The following ST6GALNAC3 variants were observed in gnomAD, a reference collection of about 807,000 sequenced individuals.
ST6GALNAC3 encodes the protein alpha-N-acetylgalactosaminide alpha-2,6-sialyltransferase 3.
ST6GALNAC3 carries 25 observed loss-of-function variants against 32.7 expected under a neutral mutation model. The ratio of observed to expected loss-of-function variants is 0.76; its 90% confidence interval spans 0.56 to 1.07. The LOEUF (loss-of-function observed/expected upper bound fraction) is 1.07, where lower values mean the gene tolerates loss of function less well. Ranked by LOEUF, ST6GALNAC3 falls within the 50% of genes least tolerant of loss-of-function variation. The probability of loss-of-function intolerance (pLI) is 0.00; values close to 1 mark genes in which losing one functional copy is unlikely to be tolerated. For missense variants in ST6GALNAC3, 355 were observed against 382.4 expected (o/e 0.93, Z 0.60); for synonymous variants, 129 against 133.1 (o/e 0.97, Z 0.21).
intron 2 of ST6GALNAC3, among the ~76,000 whole-genome samples, chr1:76,332,167 G>T (rs557359420): frequency 1.3e-5 from 2 of 152,100 alleles, no homozygotes; most frequent in Non-Finnish European, 2.9e-5. Context: ...AATGACAGTG[G>T]CAGTCCCCCC....
intron 2 of ST6GALNAC3, among the ~76,000 whole-genome samples, chr1:76,384,788 A>AC (rs141910849): frequency 0.076 from 11,506 of 152,194 alleles, 483 homozygotes; most frequent in Middle Eastern, 0.12. Flanking sequence ...TAGATACCTC[A>AC]CATTCATGGG....
chr1:76,135,817 G>C (rs1281589635), intron 1 of ST6GALNAC3, among the ~76,000 whole-genome samples: 1 of 152,126 alleles, frequency 6.6e-6, no homozygotes, highest in Non-Finnish European at 1.5e-5. Flanking sequence ...CCACCCATGC[G>C]GCTCTCCTAT....
chr1:76,285,539 TAAA>T (rs1272531570), intron 1 of ST6GALNAC3, among the ~76,000 whole-genome samples: 1 of 152,186 alleles, frequency 6.6e-6, no homozygotes, highest in Non-Finnish European at 1.5e-5. Flanking sequence ...ATGAATCTAA[TAAA>T]AATAATGAAT....
At position 76,379,051 on chromosome 1, in the gene ST6GALNAC3, C is replaced by T. The variant is rs571713870; in HGVS notation, c.214-32957C>T. 2.6e-5 allele frequency among the ~76,000 whole-genome samples: 4 copies of T among 152,258 alleles called. No individual in the cohort carries two copies. In the East Asian group the frequency reaches 7.8e-4, roughly 30 times the overall value. On this transcript the variant is annotated intron_variant, in intron 2 of 4. Transcript: ENST00000328299. ...TAGCTGGGACTACAGGTGCCTGCCA[C>T]CACGGCCGGCTAATTTTTTGTATTT...
chr1:76,544,897 G>A (rs113646610), intron 3 of ST6GALNAC3, among the ~76,000 whole-genome samples: 376 of 152,284 alleles, frequency 2.5e-3, no homozygotes, highest in Middle Eastern at 6.8e-3. Context: ...CCATGAAAGG[G>A]ATCACATTTT....
chr1:76,536,342 AT>A (rs1321561184), intron 3 of ST6GALNAC3, among the ~76,000 whole-genome samples: 1 of 152,176 alleles, frequency 6.6e-6, no homozygotes, highest in Non-Finnish European at 1.5e-5. Context: ...AAGAGATTTA[AT>A]TGACTCACAG....
intron 3 of ST6GALNAC3, among the ~76,000 whole-genome samples, chr1:76,450,216 C>G (rs1055765518): frequency 7.2e-5 from 11 of 152,090 alleles, no homozygotes; most frequent in Non-Finnish European, 1.3e-4. Context: ...TCCCTTTTCA[C>G]CATATCCATG....
chr1:76,103,899 C>A (rs1647346674), intron 1 of ST6GALNAC3, among the ~76,000 whole-genome samples: 1 of 152,184 alleles, frequency 6.6e-6, no homozygotes, highest in Non-Finnish European at 1.5e-5. Flanking sequence ...TTAATTCAGT[C>A]ACATCTTTTT....
chr1:76,158,971 C>G (rs1651645812), intron 1 of ST6GALNAC3, among the ~76,000 whole-genome samples: 1 of 152,134 alleles, frequency 6.6e-6, no homozygotes, highest in South Asian at 2.1e-4. Flanking sequence ...GGCCCTTCGT[C>G]ATGTCATGTA....
At chr1:76,624,310 C>T (rs532388196) in intron 3 of ST6GALNAC3, among the ~76,000 whole-genome samples, 1 of 152,000 alleles carries the variant, frequency 6.6e-6, no homozygotes, top group Admixed American at 6.6e-5. Context: ...ATGGCAAGAT[C>T]CTTGACCAGA....
rs116629487 is a variant in ST6GALNAC3, at chr1:76,526,867, A to G, written c.624-100585A>G. ...TATTGTTTATGATGTTCGGTCTTTA[A>G]TAGACATGATAACAAAAAAAGCCAG... On this transcript the variant is annotated intron_variant, in intron 3 of 4. Transcript: ENST00000328299. 9.1e-3 allele frequency among the ~76,000 whole-genome samples: 1,384 copies of G among 152,214 alleles called. 16 individuals carry two copies. Among genetic ancestry groups the G allele is most frequent in the African/African-American group, 0.028 (1,150 of 41,558 alleles).
At chr1:76,476,117 G>A (rs577733887) in intron 3 of ST6GALNAC3, among the ~76,000 whole-genome samples, 5 of 152,152 alleles carry the variant, frequency 3.3e-5, no homozygotes, top group East Asian at 1.9e-4. Flanking sequence ...CATTTGGGTC[G>A]GAATTTTTAT....
intron 3 of ST6GALNAC3, among the ~76,000 whole-genome samples, chr1:76,600,667 C>T (rs971532472): frequency 1.1e-4 from 16 of 152,186 alleles, no homozygotes; most frequent in Non-Finnish European, 4.4e-5. Context: ...TTGAAGACGT[C>T]TGTCTTGTAC....
chr1:76,557,968 T>A (rs1387458224), intron 3 of ST6GALNAC3, among the ~76,000 whole-genome samples: 1 of 152,096 alleles, frequency 6.6e-6, no homozygotes, highest in African/African-American at 2.4e-5. Context: ...AACATGTTAG[T>A]AAGAGGGAGC....
intron 2 of ST6GALNAC3, among the ~76,000 whole-genome samples, chr1:76,385,981 C>A (rs1652063677): frequency 6.6e-6 from 1 of 151,958 alleles, no homozygotes; most frequent in Admixed American, 6.6e-5. Context: ...TGGTAAATGC[C>A]AAGACGCTGG....
chr1:76,309,959 T>C, intron 1 of ST6GALNAC3: 1 of 493,168 alleles, frequency 2.0e-6, no homozygotes, highest in Non-Finnish European at 4.1e-6. Context: ...AATGGTTGAC[T>C]TATTTTTCTC....
At chr1:76,371,255 GC>G (rs1211724668) in intron 2 of ST6GALNAC3, among the ~76,000 whole-genome samples, 1 of 152,148 alleles carries the variant, frequency 6.6e-6, no homozygotes, top group African/African-American at 2.4e-5. Flanking sequence ...GGCCAAGAAA[GC>G]TATCACCAAA....
chr1:76,524,045 C>T (rs917299319), intron 3 of ST6GALNAC3, among the ~76,000 whole-genome samples: 2 of 152,138 alleles, frequency 1.3e-5, no homozygotes, highest in Non-Finnish European at 2.9e-5. Flanking sequence ...TTATCTACAA[C>T]TATCTATTGC....
At chr1:76,268,788 A>G (rs763177683) in intron 1 of ST6GALNAC3, among the ~76,000 whole-genome samples, 17 of 151,982 alleles carry the variant, frequency 1.1e-4, no homozygotes, top group Non-Finnish European at 2.2e-4. Context: ...TTTCCTCTAC[A>G]CCGCTGATGG....
Sources: gnomAD v4.1 joint callset for allele counts (sites outside exome capture counted in the v4.1 genomes callset) on GRCh38, gnomAD v4.1.1 for gene constraint, MANE v1.5 for transcripts, NCBI Gene and HGNC (gene_info 2026-07-23, HGNC 2026-07-21) for gene names.